TLE2: variants seen among roughly 807,000 people sequenced by gnomAD.
The protein encoded by TLE2 is TLE family member 2, transcriptional corepressor.
Under a neutral mutation model 97.2 loss-of-function variants are expected in TLE2, and 74 were observed. The ratio of observed to expected loss-of-function variants is 0.76; its 90% CI spans 0.63 to 0.92. The LOEUF (loss-of-function observed/expected upper bound fraction) is 0.92. Ranked by LOEUF, TLE2 falls within the 40% of genes least tolerant of loss-of-function variation. The pLI, the probability that TLE2 is intolerant of heterozygous loss-of-function variation, is 0.00. For synonymous variants in TLE2, 499 were observed against 432.1 expected, an observed-to-expected ratio of 1.15 and a Z score of -1.92; for missense variants, 1,038 against 1,008.7, an observed-to-expected ratio of 1.03 and a Z score of -0.39.
chr19:3,016,693 T>C (rs2089714192), intron 8 of TLE2, among the ~76,000 whole-genome samples: 1 of 152,080 alleles, frequency 6.6e-6, no homozygotes, highest in East Asian at 1.9e-4. Flanking sequence ...GAACGGCTGA[T>C]GGCTAGGCGA....
At chr19:3,022,000 G>C (rs1175965409) in intron 5 of TLE2, among the ~76,000 whole-genome samples, 1 of 152,076 alleles carries the variant, frequency 6.6e-6, no homozygotes, top group African/African-American at 2.4e-5. Context: ...TAGTCCAGGA[G>C]TTTGAGACCA....
intron 4 of TLE2, chr19:3,025,340 T>C (rs1004219609): frequency 4.0e-6 from 5 of 1,258,564 alleles, no homozygotes; most frequent in East Asian, 3.3e-5. Context: ...GAGTCACAGA[T>C]ACACCACCCG....
Position 3,027,866 on chromosome 19 carries a change from T to C in TLE2, c.194A>G (p.Glu65Gly), listed in dbSNP as rs144928446. 1.2e-6 allele frequency: 2 copies of C among 1,610,974 alleles called. No individual in the cohort carries two copies. Among genetic ancestry groups the C allele is most frequent in the Admixed American group, 1.7e-5 (1 of 59,630 alleles). The change falls in exon 4 of 20, where the codon GAG (glutamate) becomes GGG (glycine). Residue 65 changes from glutamate (E) to glycine (G), a missense_variant. Glu to Gly is a moderately conservative substitution (Grantham distance 98). Transcript: ENST00000262953. ...TTCAATGTTGAGCCCGTACGACATCTCATAATACTGCAAAGGAAAAACCAA... is the reference window on the plus strand; with the variant it reads ...TTCAATGTTGAGCCCGTACGACATCCCATAATACTGCAAAGGAAAAACCAA... Reference protein sequence around the residue: ...EMQRHYVMYYEMSYGLNIEMH... With the variant: ...EMQRHYVMYYGMSYGLNIEMH...
chr19:3,023,104 G>T (rs903958543), intron 5 of TLE2, among the ~76,000 whole-genome samples: 2 of 150,840 alleles, frequency 1.3e-5, no homozygotes, highest in Non-Finnish European at 2.9e-5. Context: ...GCCCAGGCTG[G>T]AGTGCAATGG....
At position 3,005,948 on chromosome 19, in the gene TLE2, A is replaced by C; in HGVS notation, c.1521T>G (p.Arg507=). The C allele has an allele frequency of 6.2e-7, 1 of 1,610,404 alleles. No homozygotes were observed. The highest frequency in any genetic ancestry group is 2.2e-5 in the East Asian group (1 of 44,752). ...GGCCATCCGGCAGCAACTTGCAGGAACGAATGTAGTTGTCTCGGTTCTGGG... is the reference window on the plus strand; with the variant it reads ...GGCCATCCGGCAGCAACTTGCAGGACCGAATGTAGTTGTCTCGGTTCTGGG... ...LDCLNRDNYI[R]SCKLLPDGRS... Residue 507 remains arginine, a synonymous_variant, in exon 16 of 20, where the codon CGT becomes CGG. Transcript: ENST00000262953.
At chr19:3,001,791 C>CTT (rs562875053) in intron 18 of TLE2, among the ~76,000 whole-genome samples, 6,677 of 111,260 alleles carry the variant, frequency 0.06, 338 homozygotes, top group African/African-American at 0.13. Flanking sequence ...TCTTTTCTTT[C>CTT]TTTTTTTTTT....
rs752320039 is a variant in TLE2 at position 3,006,443 on chromosome 19, G to A, written c.1477C>T (p.Pro493Ser). The A allele has an allele frequency of 6.2e-7, 1 of 1,610,518 alleles. No homozygotes were observed. Among genetic ancestry groups the A allele is most frequent in the Non-Finnish European group, 8.5e-7 (1 of 1,179,562 alleles). ...WDVGQPGAKT[P>S]VAQLDCLNRD... is the part of the protein sequence containing the mutation. Reference sequence around the variant, plus strand: ...ACCAGGCAGTCGAGCTGGGCCACGGGCGTCTTGGCCCCAGGCTGGCCCACG... The same window carrying A: ...ACCAGGCAGTCGAGCTGGGCCACGGACGTCTTGGCCCCAGGCTGGCCCACG... The change falls in exon 15 of 20, where the codon CCC (proline) becomes TCC (serine). Residue 493 changes from proline (P) to serine (S), a missense_variant. Transcript: ENST00000262953.
intron 7 of TLE2, among the ~76,000 whole-genome samples, chr19:3,018,275 G>A (rs1359280668): frequency 1.3e-5 from 2 of 152,006 alleles, no homozygotes; most frequent in African/African-American, 4.8e-5. Context: ...GGGACTCCAG[G>A]GGCATGCCAC....
At chr19:3,039,326 C>A (rs1472210574) in intron 1 of TLE2, among the ~76,000 whole-genome samples, 1 of 151,980 alleles carries the variant, frequency 6.6e-6, no homozygotes, top group Non-Finnish European at 1.5e-5. Context: ...AAACTCCCTA[C>A]CTCTGTCTAT....
intron 1 of TLE2, among the ~76,000 whole-genome samples, chr19:3,036,624 A>G (rs751869467): frequency 1.3e-5 from 2 of 152,222 alleles, no homozygotes; most frequent in Non-Finnish European, 2.9e-5. Flanking sequence ...CCCCCCGGAA[A>G]AATCACACAC....
rs1028774482 is a variant in TLE2 at position 3,029,079 on chromosome 19, G to A, written c.-175C>T. ...CCCTGGCGCGCCCCCAAGCGCGCGC[G>A]CCCGGGGTCGTGGGAGCCCCTCCCC... On this transcript the variant is annotated 5_prime_UTR_variant, in exon 1 of 20. Transcript: ENST00000262953. The A allele has an allele frequency of 1.6e-6, 2 of 1,284,436 alleles. No individual in the cohort carries two copies. Among genetic ancestry groups the A allele is most frequent in the African/African-American group, 3.1e-5 (2 of 64,740 alleles). The allele number at this position is 1,284,436 out of a possible 1,614,324, so 79.6% of individuals were successfully genotyped here.
chr19:3,015,914 C>A, intron 8 of TLE2, 154 bp from the exon 9 acceptor site: 1 of 704,034 alleles, frequency 1.4e-6, no homozygotes, highest in South Asian at 1.5e-5. Flanking sequence ...ACGGCTGACT[C>A]AGTGCTAAGG....
chr19:3,031,476 C>T (rs1212851148), upstream of TLE2, among the ~76,000 whole-genome samples: 1 of 151,954 alleles, frequency 6.6e-6, no homozygotes, highest in East Asian at 1.9e-4. Flanking sequence ...TCCCCTTTTC[C>T]CCTTCACCAT....
At chr19:3,015,258 A>G (rs1048450485) in intron 9 of TLE2, among the ~76,000 whole-genome samples, 1 of 152,156 alleles carries the variant, frequency 6.6e-6, no homozygotes, top group Non-Finnish European at 1.5e-5. Context: ...TAGAGTTGGA[A>G]ACTACAAGTG....
chr19:3,040,828 G>A (rs780823046), intron 1 of TLE2, among the ~76,000 whole-genome samples: 52 of 149,952 alleles, frequency 3.5e-4, no homozygotes, highest in Non-Finnish European at 7.1e-4. Context: ...GTAGAGATGG[G>A]GTCTTGCTAT....
At chr19:3,027,777 C>T in intron 4 of TLE2, 52 bp downstream of exon 4, 1 of 1,584,052 alleles carries the variant, frequency 6.3e-7, no homozygotes, top group South Asian at 1.2e-5. Context: ...CTTCTCAGGG[C>T]TTCCAGACCC....
intron 17 of TLE2, among the ~76,000 whole-genome samples, chr19:3,003,819 C>A (rs558196243): frequency 1.1e-4 from 17 of 151,882 alleles, no homozygotes; most frequent in Non-Finnish European, 2.1e-4. Flanking sequence ...GTGATCCTCC[C>A]GCCTCAGCCT....
intron 5 of TLE2, 62 bp downstream of exon 5, chr19:3,024,958 T>C (rs1233012864): frequency 2.1e-6 from 3 of 1,454,896 alleles, no homozygotes; most frequent in Non-Finnish European, 2.8e-6. Context: ...CGCCCAGACC[T>C]ACCCCCTCCC....
Position 3,019,759 on chromosome 19 carries a change from C to T in TLE2, c.309G>A (p.Val103=). The T allele has an allele frequency of 6.2e-7, 1 of 1,613,112 alleles. No individual in the cohort carries two copies. The highest frequency in any genetic ancestry group is 1.1e-5 in the South Asian group (1 of 90,774). ...GCTTGGCGCGTTCTACGGCCTGGAG[C>T]ACCTGCTGCTGATGCTGGCGGGTGG... is the stretch of plus-strand genomic sequence containing the variant. The part of the protein sequence containing the change: ...PFLTQEHQQQ[V]LQAVERAKQV... The change falls in exon 6 of 20, where the codon GTG becomes GTA. Residue 103 remains valine (V), a synonymous_variant. Transcript: ENST00000262953. The surrounding 1 kb of genome is among the most constrained non-coding windows in gnomAD (Gnocchi z 5.1).
Sources: allele counts gnomAD v4.1 joint callset (sites outside exome capture counted in the v4.1 genomes callset), GRCh38; gene constraint gnomAD v4.1.1; non-coding constraint Gnocchi (gnomAD v3.1); transcripts MANE v1.5; gene names NCBI Gene and HGNC (gene_info 2026-07-23, HGNC 2026-07-21).